Variants in XKR6 observed in about 807,000 individuals in gnomAD.
XKR6 encodes the protein XK-related protein 6.
In XKR6, 22 loss-of-function variants were observed where a neutral mutation model predicts 56.7. That is an observed-to-expected ratio of 0.39 (90% CI 0.28 to 0.55). XKR6 has a LOEUF of 0.55. XKR6 is among the 20% of genes least tolerant of loss of function. The pLI is 0.66. For synonymous variants in XKR6, 524 were observed against 387.8 expected (o/e 1.35, Z -4.13); for missense variants, 852 against 889.0 (o/e 0.96, Z 0.53).
At chr8:11,124,961 T>C (rs1219191066) in intron 1 of XKR6, 2 of 148,876 alleles carry the variant, frequency 1.3e-5, no homozygotes, top group East Asian at 2.0e-4. Flanking sequence ...TGGTGGCAGA[T>C]GCCTGTAGTC....
In XKR6 at chr8:11,105,286, A is replaced by T. The variant is rs1798634473; in HGVS notation, c.764+95290T>A. ...AAACTTTTTTATTTTACCAAACAAG[A>T]ACATACATTAGAGAAAAGGACATGA... is the stretch of plus-strand genomic sequence containing the variant. On this transcript the variant is annotated intron_variant, in intron 1 of 2. Coordinates refer to ENST00000416569, the MANE Select transcript of XKR6 (RefSeq NM_173683.4). 3 of 152,198 alleles carry T rather than the reference A, an allele frequency of 2.0e-5. No individual in the cohort carries two copies. The South Asian group carries it at 6.2e-4, about 32-fold the overall frequency. 9.4% of individuals were successfully genotyped at this position (152,198 alleles called of 1,614,324 possible). A position where few individuals can be genotyped will look rare whatever the true frequency, so the allele number is the denominator to read the frequency against.
intron 1 of XKR6, among the ~76,000 whole-genome samples, chr8:10,978,346 G>A (rs1214955352): frequency 6.6e-6 from 1 of 152,176 alleles, no homozygotes; most frequent in Admixed American, 6.5e-5. Context: ...GCCAATTTGA[G>A]AAACTTAATA....
chr8:11,077,887 C>G (rs575992496), intron 1 of XKR6, among the ~76,000 whole-genome samples: 24 of 152,280 alleles, frequency 1.6e-4, no homozygotes, highest in African/African-American at 5.5e-4. Context: ...AGGGGATCCA[C>G]AGAAGAGAGG....
intron 1 of XKR6, among the ~76,000 whole-genome samples, chr8:11,191,897 T>C (rs1183189129): frequency 6.6e-6 from 1 of 152,150 alleles, no homozygotes; most frequent in Non-Finnish European, 1.5e-5. Context: ...ACTCTTAATT[T>C]TCTTAGGTGC....
chr8:11,036,986 G>T (rs1799162328), intron 1 of XKR6, among the ~76,000 whole-genome samples: 3 of 152,300 alleles, frequency 2.0e-5, no homozygotes, highest in East Asian at 3.9e-4. Context: ...CCTAGATCGG[G>T]TATGAAAGCC....
Position 11,200,677 on chromosome 8 carries a change from G to C in XKR6, c.663C>G (p.Gly221=). The change falls in exon 1 of 3, where the codon GGC becomes GGG. Residue 221 remains glycine, a synonymous_variant. Transcript: ENST00000416569. The surrounding 1 kb of genome is among the most constrained non-coding windows in gnomAD (Gnocchi z 6.4). Reference sequence around the variant, plus strand: ...CCCCCGGCGTGGGGGAGACCCTCACGCCTGGGCCACCGCGGGCCGCGCCGT... The same window carrying C: ...CCCCCGGCGTGGGGGAGACCCTCACCCCTGGGCCACCGCGGGCCGCGCCGT... The part of the protein sequence containing the change: ...YVHGAARGGP[G]VRVSPTPGAQ... 6.4e-7 allele frequency: 1 copy of C among 1,567,732 alleles called. No homozygotes were observed. The highest frequency in any genetic ancestry group is 8.6e-7 in the Non-Finnish European group (1 of 1,165,976).
intron 1 of XKR6, among the ~76,000 whole-genome samples, chr8:11,040,346 A>G (rs1019018770): frequency 1.4e-5 from 2 of 143,878 alleles, no homozygotes; most frequent in Non-Finnish European, 3.0e-5. Context: ...ACATAAGCAG[A>G]TCTCATGTCT....
At chr8:10,980,410 G>A (rs1187713703) in intron 1 of XKR6, among the ~76,000 whole-genome samples, 1 of 152,210 alleles carries the variant, frequency 6.6e-6, no homozygotes, top group Non-Finnish European at 1.5e-5. Flanking sequence ...ACAGGGGATT[G>A]ATCTAACCTG....
chr8:10,958,020 T>C lies in XKR6; in HGVS notation c.765-33190A>G, dbSNP rs75165406. On this transcript the variant is annotated intron_variant, in intron 1 of 2. Coordinates refer to ENST00000416569, the MANE Select transcript of XKR6 (RefSeq NM_173683.4). ...TGAAAGGAAAAAGAAACCCACGTGA[T>C]CTGGAAAGTGGCTTGGCCTACTTTA... 2.3e-3 allele frequency among the ~76,000 whole-genome samples: 348 copies of C among 152,352 alleles called. 1 individual carries two copies. Among genetic ancestry groups the C allele is most frequent in the African/African-American group, 8.2e-3 (339 of 41,592 alleles).
At chr8:10,993,300 C>T (rs1160096201) in intron 1 of XKR6, among the ~76,000 whole-genome samples, 6 of 152,218 alleles carry the variant, frequency 3.9e-5, no homozygotes, top group Non-Finnish European at 2.9e-5. Flanking sequence ...CTTGCAGCAG[C>T]GGCCCTGCAG....
intron 1 of XKR6, among the ~76,000 whole-genome samples, chr8:11,142,663 C>A (rs984786060): frequency 7.2e-5 from 11 of 152,192 alleles, no homozygotes; most frequent in African/African-American, 2.4e-4. Context: ...TCCACTATGA[C>A]TGGAAGATTC....
intron 1 of XKR6, among the ~76,000 whole-genome samples, chr8:11,149,565 TA>T (rs756663164): frequency 8.6e-5 from 13 of 151,904 alleles, no homozygotes; most frequent in Non-Finnish European, 1.8e-4. Context: ...AAAAAAATAT[TA>T]AAAGCTAATG....
At chr8:11,126,100 CCTCT>C (rs1799779747) in intron 1 of XKR6, 1 of 151,796 alleles carries the variant, frequency 6.6e-6, no homozygotes, top group Non-Finnish European at 1.5e-5. Flanking sequence ...ACAGAGTCTC[CCTCT>C]GTCGCCCAGA....
chr8:10,933,163 T>G (rs7016066), intron 1 of XKR6, among the ~76,000 whole-genome samples: 1 of 129,958 alleles, frequency 7.7e-6, no homozygotes, highest in Non-Finnish European at 1.7e-5. Flanking sequence ...ATGAGCATTT[T>G]TTCATGTGTT....
intron 1 of XKR6, among the ~76,000 whole-genome samples, chr8:11,026,385 A>T (rs1041983552): frequency 1.3e-5 from 2 of 151,300 alleles, no homozygotes; most frequent in Admixed American, 1.3e-4. Context: ...GGCCTACTAC[A>T]CACTTAGATG....
intron 1 of XKR6, among the ~76,000 whole-genome samples, chr8:11,188,511 C>T (rs979022481): frequency 3.9e-5 from 6 of 152,096 alleles, no homozygotes; most frequent in Non-Finnish European, 7.4e-5. Flanking sequence ...CCATATATAC[C>T]ATCACCCTCT....
At chr8:11,181,053 G>A (rs888966226) in intron 1 of XKR6, among the ~76,000 whole-genome samples, 1 of 152,168 alleles carries the variant, frequency 6.6e-6, no homozygotes, top group African/African-American at 2.4e-5. Context: ...TGTATTCTAT[G>A]AATGAAGAGG....
intron 1 of XKR6, among the ~76,000 whole-genome samples, chr8:11,039,522 T>C (rs936946391): frequency 6.6e-6 from 1 of 152,190 alleles, no homozygotes; most frequent in African/African-American, 2.4e-5. Context: ...ATGAGGACAT[T>C]GGGCCTTGAC....
intron 1 of XKR6, among the ~76,000 whole-genome samples, chr8:10,948,723 C>T (rs867611827): frequency 1.3e-5 from 2 of 152,106 alleles, no homozygotes; most frequent in African/African-American, 2.4e-5. Context: ...GGGAAGGCCC[C>T]GCACTCCCAC....
Sources: allele counts gnomAD v4.1 joint callset (sites outside exome capture counted in the v4.1 genomes callset), GRCh38; gene constraint gnomAD v4.1.1; non-coding constraint Gnocchi (gnomAD v3.1); transcripts MANE v1.5; gene names NCBI Gene and HGNC (gene_info 2026-07-23, HGNC 2026-07-21).